The following PIK3R4 variants were observed in gnomAD, a reference collection of about 807,000 sequenced individuals.
The protein encoded by PIK3R4 is phosphoinositide 3-kinase regulatory subunit 4.
PIK3R4 carries 46 observed loss-of-function variants against 136.5 expected under a neutral mutation model. That is an observed-to-expected ratio of 0.34 (90% CI 0.27 to 0.43). The LOEUF (loss-of-function observed/expected upper bound fraction) is 0.43. Ranked by LOEUF, PIK3R4 falls within the 20% of genes least tolerant of loss-of-function variation. PIK3R4 has a pLI of 1.00. For missense variants in PIK3R4, 1,331 were observed against 1,649.5 expected (o/e 0.81, Z 3.35); for synonymous variants, 557 against 566.7 (o/e 0.98, Z 0.24).
intron 9 of PIK3R4, among the ~76,000 whole-genome samples, chr3:130,712,928 C>T (rs2066640569): frequency 6.6e-6 from 1 of 152,204 alleles, no homozygotes. Context: ...CCACACAGCA[C>T]AGTGTAGGAG....
At position 130,686,448 on chromosome 3, in the gene PIK3R4, G is replaced by A. The variant is rs778542403; in HGVS notation, c.3264-26C>T. 12 of 1,407,728 alleles carry A rather than the reference G, an allele frequency of 8.5e-6. No individual in the cohort carries two copies. In the African/African-American group the frequency reaches 1.1e-4, roughly 13 times the overall value. The allele number at this position is 1,407,728 out of a possible 1,614,324, so 87.2% of individuals were successfully genotyped here. On this transcript the variant is annotated intron_variant, in intron 14 of 19. Transcript: ENST00000356763. ...CTAGAGAAATACACAAAGCACAGAC[G>A]TTTCCAGTCACTGAAAACATAGCAC...
intron 6 of PIK3R4, among the ~76,000 whole-genome samples, chr3:130,727,426 TG>T (rs1412988497): frequency 6.6e-6 from 1 of 152,160 alleles, no homozygotes; most frequent in Non-Finnish European, 1.5e-5. Flanking sequence ...GGTTTCACCG[TG>T]TTAGCCAGGA....
chr3:130,706,888 C>T lies in PIK3R4; in HGVS notation c.2721+60G>A, dbSNP rs528329991. On this transcript the variant is annotated intron_variant, in intron 11 of 19. Coordinates refer to ENST00000356763, the MANE Select transcript of PIK3R4 (RefSeq NM_014602.3). The stretch of plus-strand genomic sequence containing the variant: ...CTACAGTACACAGCCTTTAAACAAC[C>T]AAAATAGCAGAAGAGCGTTCAAAGA... 3 of 1,417,088 alleles carry T rather than the reference C, an allele frequency of 2.1e-6. No individual in the cohort carries two copies. The South Asian group carries it at 4.4e-5, about 21-fold the overall frequency. The allele number at this position is 1,417,088 out of a possible 1,614,324, so 87.8% of individuals were successfully genotyped here. A position where few individuals can be genotyped will look rare whatever the true frequency, so the allele number is the denominator to read the frequency against.
chr3:130,684,328 A>C lies in PIK3R4; in HGVS notation c.3529T>G (p.Ser1177Ala). 6.2e-7 allele frequency: 1 copy of C among 1,613,478 alleles called. No individual in the cohort carries two copies. The highest frequency in any genetic ancestry group is 8.5e-7 in the Non-Finnish European group (1 of 1,179,514). Residue 1177 changes from serine (S) to alanine (A), a missense_variant, in exon 16 of 20, where the codon TCA (serine) becomes GCA (alanine). Transcript: ENST00000356763. ...GCCCTGGAAGGATGACAGTGACTTG[A>C]AATTGGCAACTGGAACCTCATGTCC... is the stretch of plus-strand genomic sequence containing the variant. ...CWDMRFQLPI[S>A]SHCHPSRARI...
At chr3:130,682,447 T>G (rs964311513) in intron 16 of PIK3R4, among the ~76,000 whole-genome samples, 1 of 152,160 alleles carries the variant, frequency 6.6e-6, no homozygotes, top group African/African-American at 2.4e-5. Context: ...AAAACCCATT[T>G]CAGACTTCTG....
chr3:130,723,062 C>CGAAAA (rs2066710976), intron 7 of PIK3R4, among the ~76,000 whole-genome samples: 1 of 19,494 alleles, frequency 5.1e-5, no homozygotes, highest in African/African-American at 1.7e-4. Flanking sequence ...GAGACTGTCG[C>CGAAAA]AAAAAAAAAA....
intron 6 of PIK3R4, among the ~76,000 whole-genome samples, chr3:130,726,258 T>A (rs928365433): frequency 6.6e-6 from 1 of 152,108 alleles, no homozygotes; most frequent in Non-Finnish European, 1.5e-5. Context: ...TCAAATAAAT[T>A]TTTAATGATA....
intron 2 of PIK3R4, among the ~76,000 whole-genome samples, chr3:130,739,061 TTTTG>T (rs2066803641): frequency 1.3e-5 from 2 of 152,078 alleles, no homozygotes; most frequent in Non-Finnish European, 2.9e-5. Context: ...GCACACCTTT[TTTTG>T]TTTGTTTTTT....
chr3:130,713,437 G>A lies in PIK3R4; in HGVS notation c.2331+2959C>T, dbSNP rs893102379. Among the ~76,000 whole-genome samples the A allele has an allele frequency of 2.0e-5, 3 of 152,246 alleles. No homozygotes were observed. In the South Asian group the frequency reaches 6.2e-4, roughly 32 times the overall value. ...AGGGAGTTTTAGTGATTTTTATCAT[G>A]GCACCCAGTAACGGGGGCTGGCATT... On this transcript the variant is annotated intron_variant, in intron 9 of 19. Coordinates refer to ENST00000356763, the MANE Select transcript of PIK3R4 (RefSeq NM_014602.3).
Position 130,745,242 on chromosome 3 carries a change from T to A in PIK3R4, c.-24A>T, listed in dbSNP as rs1220282920. 1.3e-6 allele frequency: 2 copies of A among 1,562,790 alleles called. No homozygotes were observed. Among genetic ancestry groups the A allele is most frequent in the Non-Finnish European group, 1.7e-6 (2 of 1,164,738 alleles). ...ATAATGGCAAGCACCTCTGTGGTCT[T>A]TAGTAAGGTTAGGATATAATACCTG... is the stretch of plus-strand genomic sequence containing the variant. On this transcript the variant is annotated 5_prime_UTR_variant, in exon 2 of 20. Transcript: ENST00000356763.
chr3:130,721,162 C>T (rs2066697886), intron 7 of PIK3R4, among the ~76,000 whole-genome samples: 2 of 150,358 alleles, frequency 1.3e-5, no homozygotes, highest in Non-Finnish European at 3.0e-5. Flanking sequence ...GGTGAAACCC[C>T]GTCTCTACTA....
At chr3:130,680,774 T>G in intron 18 of PIK3R4, 53 bp from the exon 19 acceptor site, 1 of 1,122,474 alleles carries the variant, frequency 8.9e-7, no homozygotes, top group Non-Finnish European at 1.3e-6. Context: ...TGGGAGGAAC[T>G]AATAATCATT....
At chr3:130,685,899 G>A (rs1466981123) in intron 15 of PIK3R4, among the ~76,000 whole-genome samples, 5 of 152,100 alleles carry the variant, frequency 3.3e-5, no homozygotes. Flanking sequence ...CCTTAAGTCT[G>A]CTGCTTCACT....
chr3:130,681,191 A>T, intron 17 of PIK3R4, 126 bp from the exon 18 acceptor site: 1 of 705,004 alleles, frequency 1.4e-6, no homozygotes. Context: ...AAGAAATGAG[A>T]GACCAGTTAT....
chr3:130,721,472 C>T (rs537716968), intron 7 of PIK3R4, among the ~76,000 whole-genome samples: 120 of 152,060 alleles, frequency 7.9e-4, no homozygotes, highest in African/African-American at 2.3e-3. Flanking sequence ...GCATTATTCA[C>T]AAGAGTCGAC....
chr3:130,712,150 G>C (rs904315154), intron 9 of PIK3R4, among the ~76,000 whole-genome samples: 2 of 152,124 alleles, frequency 1.3e-5, no homozygotes, highest in African/African-American at 2.4e-5. Context: ...TTCCAAAAGT[G>C]TATGTTAAGT....
In PIK3R4 at chr3:130,733,751, T is replaced by C; in HGVS notation, c.1247A>G (p.Asp416Gly). 1.2e-6 allele frequency: 2 copies of C among 1,614,104 alleles called. No individual in the cohort carries two copies. Among genetic ancestry groups the C allele is most frequent in the East Asian group, 2.2e-5 (1 of 44,878 alleles). ...ATGCAAAAGATATGGAGTAATACGA[T>C]CCAAAAGGATTTCAACACTTAATCT... Reference protein sequence around the residue: ...APRLSVEILLDRITPYLLHFS... With the variant: ...APRLSVEILLGRITPYLLHFS... The change falls in exon 4 of 20, where the codon GAT becomes GGT. Residue 416 changes from aspartate (D) to glycine (G), a missense_variant. By Grantham distance (94) the Asp-to-Gly change is moderately conservative. Coordinates refer to ENST00000356763, the MANE Select transcript of PIK3R4 (RefSeq NM_014602.3).
chr3:130,732,627 T>C (rs923478909), intron 4 of PIK3R4, among the ~76,000 whole-genome samples: 3 of 152,094 alleles, frequency 2.0e-5, no homozygotes, highest in Non-Finnish European at 2.9e-5. Context: ...TAGGCAGAGA[T>C]AAACATAAAT....
rs186066152 is a variant in PIK3R4, at chr3:130,714,316, T to A, written c.2331+2080A>T. On this transcript the variant is annotated intron_variant, in intron 9 of 19. Transcript: ENST00000356763. Reference sequence around the variant, plus strand: ...TATTCAGCGACTGTATTCTTTATTTTTAACCATTTTTATTCCTATCTTGGC... The same window carrying A: ...TATTCAGCGACTGTATTCTTTATTTATAACCATTTTTATTCCTATCTTGGC... Among the ~76,000 whole-genome samples the A allele has an allele frequency of 1.7e-4, 26 of 152,336 alleles. 1 individual carries two copies. The highest frequency in any genetic ancestry group is 5.1e-4 in the African/African-American group (21 of 41,560).
Sources: allele counts gnomAD v4.1 joint callset (sites outside exome capture counted in the v4.1 genomes callset), GRCh38; gene constraint gnomAD v4.1.1; transcripts MANE v1.5; gene names NCBI Gene and HGNC (gene_info 2026-07-23, HGNC 2026-07-21).